The following VAMP7 variants were observed in gnomAD, a reference collection of about 807,000 sequenced individuals.
VAMP7 encodes the protein vesicle-associated membrane protein 7.
A neutral mutation model predicts 29.6 loss-of-function variants in VAMP7; 14 were observed. The observed-to-expected ratio is 0.47, with a 90% CI of 0.31 to 0.74. The LOEUF is 0.74. VAMP7 is among the 30% of genes least tolerant of loss of function. The pLI is 0.05. For missense variants in VAMP7, 223 were observed against 262.4 expected, an observed-to-expected ratio of 0.85 and a Z score of 1.04; for synonymous variants, 95 against 88.1, an observed-to-expected ratio of 1.08 and a Z score of -0.44.
rs2066760264 is a variant in VAMP7 at position 155,942,452 on chromosome X, C to T, written c.*501C>T. On this transcript the variant is annotated 3_prime_UTR_variant, in exon 8 of 8. Transcript: ENST00000286448. ...GGGAATTGTAATGATGTTGGTGCTG[C>T]TTCCTTCTAAGAGCTCAGACAAGTA... The T allele has an allele frequency of 8.9e-6, 3 of 335,240 alleles. No individual in the cohort carries two copies. The highest frequency in any genetic ancestry group is 1.6e-5 in the Non-Finnish European group (3 of 183,844). 20.8% of individuals were successfully genotyped at this position (335,240 alleles called of 1,614,324 possible).
At chrX:155,882,701 A>C (rs2065817917) in intron 1 of VAMP7, among the ~76,000 whole-genome samples, 1 of 152,220 alleles carries the variant, frequency 6.6e-6, no homozygotes, top group African/African-American at 2.4e-5. Flanking sequence ...TTGTGAAAAT[A>C]TTATTCTTAC....
chrX:155,903,498 C>CA (rs2066099401), intron 5 of VAMP7, among the ~76,000 whole-genome samples: 1 of 151,902 alleles, frequency 6.6e-6, no homozygotes, highest in Admixed American at 6.6e-5. Context: ...TGAACTCAAA[C>CA]AAATTTACAA....
intron 6 of VAMP7, among the ~76,000 whole-genome samples, chrX:155,933,256 A>T (rs1182859552): frequency 6.6e-6 from 1 of 152,058 alleles, no homozygotes; most frequent in African/African-American, 2.4e-5. Flanking sequence ...TTCTATTGAT[A>T]GGAATAGTTT....
intron 5 of VAMP7, among the ~76,000 whole-genome samples, chrX:155,917,060 C>G (rs2066323682): frequency 6.6e-6 from 1 of 152,068 alleles, no homozygotes; most frequent in African/African-American, 2.4e-5. Context: ...CATTCCTTTT[C>G]ATTATTTTTT....
At chrX:155,917,394 C>G (rs745348584) in intron 5 of VAMP7, among the ~76,000 whole-genome samples, 1 of 151,834 alleles carries the variant, frequency 6.6e-6, no homozygotes, top group Admixed American at 6.6e-5. Flanking sequence ...CCAGTTTGTT[C>G]TCTTGGAATT....
At chrX:155,912,838 T>C (rs1209741963) in intron 5 of VAMP7, among the ~76,000 whole-genome samples, 1 of 152,202 alleles carries the variant, frequency 6.6e-6, no homozygotes, top group African/African-American at 2.4e-5. Flanking sequence ...CATGTGTCTT[T>C]ATAGTAAAAT....
Position 155,942,233 on chromosome X carries a change from C to T in VAMP7, c.*282C>T, listed in dbSNP as rs1381341905. On this transcript the variant is annotated 3_prime_UTR_variant, in exon 8 of 8. Transcript: ENST00000286448. ...AACTAGTGTCATCTATTTAGAGAAACATTTTTGTTTTTAATTGCTCAAAGC... is the reference window on the plus strand; with the variant it reads ...AACTAGTGTCATCTATTTAGAGAAATATTTTTGTTTTTAATTGCTCAAAGC... 2.1e-6 allele frequency: 3 copies of T among 1,462,608 alleles called. No individual in the cohort carries two copies. The highest frequency in any genetic ancestry group is 5.0e-5 in the East Asian group (2 of 40,260). The allele number at this position is 1,462,608 out of a possible 1,614,324, so 90.6% of individuals were successfully genotyped here. A position where few individuals can be genotyped will look rare whatever the true frequency, so the allele number is the denominator to read the frequency against.
chrX:155,918,880 GT>G (rs1223852620), intron 5 of VAMP7, among the ~76,000 whole-genome samples: 7 of 152,144 alleles, frequency 4.6e-5, no homozygotes, highest in African/African-American at 7.2e-5. Context: ...AATGTTTCAT[GT>G]TTATTGATTT....
intron 6 of VAMP7, among the ~76,000 whole-genome samples, chrX:155,930,473 T>C (rs1218665136): frequency 7.7e-6 from 1 of 130,512 alleles, no homozygotes; most frequent in Non-Finnish European, 1.6e-5. Flanking sequence ...TGAGACCTTA[T>C]CTCTACAAAA....
intron 1 of VAMP7, among the ~76,000 whole-genome samples, chrX:155,888,895 A>G (rs1275874343): frequency 2.6e-5 from 4 of 152,200 alleles, no homozygotes; most frequent in Non-Finnish European, 5.9e-5. Context: ...CATCTATAAT[A>G]GAAGTATCAT....
At chrX:155,935,447 A>T (rs2066635848) in intron 6 of VAMP7, among the ~76,000 whole-genome samples, 1 of 151,676 alleles carries the variant, frequency 6.6e-6, no homozygotes, top group African/African-American at 2.4e-5. Flanking sequence ...CATTTCATTC[A>T]TTTGGTCTTC....
At chrX:155,881,799 G>A (rs1328724859) in intron 1 of VAMP7, among the ~76,000 whole-genome samples, 1 of 152,038 alleles carries the variant, frequency 6.6e-6, no homozygotes, top group African/African-American at 2.4e-5. Flanking sequence ...GTCCTTGTTC[G>A]ATGACGTCAC....
intron 4 of VAMP7, among the ~76,000 whole-genome samples, chrX:155,899,957 A>C (rs1212967721): frequency 1.3e-5 from 2 of 152,082 alleles, no homozygotes. Context: ...GCTATGGATA[A>C]ATAATTTCAA....
At chrX:155,916,112 C>A (rs1001834388) in intron 5 of VAMP7, among the ~76,000 whole-genome samples, 1 of 152,052 alleles carries the variant, frequency 6.6e-6, no homozygotes, top group African/African-American at 2.4e-5. Context: ...TTATGTAATG[C>A]CCTTTTTTGT....
chrX:155,892,319 G>A (rs1346305371), intron 2 of VAMP7, among the ~76,000 whole-genome samples: 2 of 152,034 alleles, frequency 1.3e-5, no homozygotes, highest in African/African-American at 4.8e-5. Context: ...GTACTTTAAT[G>A]CTTCTAAAAG....
chrX:155,918,912 G>T (rs936010286), intron 5 of VAMP7, among the ~76,000 whole-genome samples: 2 of 152,146 alleles, frequency 1.3e-5, no homozygotes, highest in Admixed American at 6.5e-5. Context: ...AATCATCATT[G>T]CATCCCTGGG....
At chrX:155,909,253 A>C (rs2066198550) in intron 5 of VAMP7, among the ~76,000 whole-genome samples, 1 of 152,116 alleles carries the variant, frequency 6.6e-6, no homozygotes, top group East Asian at 1.9e-4. Context: ...TAAGTTACCT[A>C]ATTTATTTAC....
At chrX:155,921,168 A>G (rs1364425372) in intron 6 of VAMP7, among the ~76,000 whole-genome samples, 1 of 152,206 alleles carries the variant, frequency 6.6e-6, no homozygotes, top group African/African-American at 2.4e-5. Context: ...TGTACTTTAC[A>G]AATAAAAGTC....
In VAMP7 at chrX:155,942,693, T is replaced by G. The variant is rs1374090927; in HGVS notation, c.*742T>G. The G allele has an allele frequency of 6.5e-6, 1 of 153,822 alleles. No individual in the cohort carries two copies. 9.5% of individuals were successfully genotyped at this position (153,822 alleles called of 1,614,324 possible). A position where few individuals can be genotyped will look rare whatever the true frequency, so the allele number is the denominator to read the frequency against. On this transcript the variant is annotated 3_prime_UTR_variant, in exon 8 of 8. Transcript: ENST00000286448. ...TTAAATATTGTTGAAAGTTGCAGTT[T>G]TTTAAATGTGTTCCTTTTTCTTCTG...
Sources: allele counts gnomAD v4.1 joint callset (sites outside exome capture counted in the v4.1 genomes callset), GRCh38; gene constraint gnomAD v4.1.1; transcripts MANE v1.5; gene names NCBI Gene and HGNC (gene_info 2026-07-23, HGNC 2026-07-21).